Variants in SMARCC1 observed in about 807,000 individuals in gnomAD.
SMARCC1 encodes the protein SWI/SNF complex subunit SMARCC1.
A neutral mutation model predicts 147.4 loss-of-function variants in SMARCC1; 43 were observed. The observed-to-expected ratio is 0.29, with a 90% CI of 0.23 to 0.38. SMARCC1 has a LOEUF of 0.38. Among genes scored for constraint, SMARCC1 ranks in the 10% least tolerant of loss-of-function variants. The pLI is 1.00. For missense variants in SMARCC1, 1,119 were observed against 1,381.1 expected, an observed-to-expected ratio of 0.81 and a Z score of 3.01; for synonymous variants, 495 against 484.4, an observed-to-expected ratio of 1.02 and a Z score of -0.29.
At chr3:47,602,373 A>G (rs532023374) in intron 26 of SMARCC1, among the ~76,000 whole-genome samples, 1 of 152,288 alleles carries the variant, frequency 6.6e-6, no homozygotes, top group African/African-American at 2.4e-5. Flanking sequence ...TCTTGGCTAA[A>G]TGCAGCCTTG....
intron 21 of SMARCC1, among the ~76,000 whole-genome samples, chr3:47,639,715 AAACC>A (rs58771135): frequency 0.023 from 3,462 of 148,364 alleles, 98 homozygotes; most frequent in African/African-American, 0.071. Flanking sequence ...CTACATCTCA[AAACC>A]AACCAACCAA....
At position 47,631,963 on chromosome 3, in the gene SMARCC1, T is replaced by C. The variant is rs902061769; in HGVS notation, c.2646+3227A>G. 3.9e-5 allele frequency among the ~76,000 whole-genome samples: 6 copies of C among 152,336 alleles called. No individual in the cohort carries two copies. In the South Asian group the frequency reaches 1.0e-3, roughly 26 times the overall value. ...TTCACATGTGCCAAGTCGTGCAGCA[T>C]GAGCATTTGTACACTTTCATAACTC... On this transcript the variant is annotated intron_variant, in intron 24 of 27. Coordinates refer to ENST00000254480, the MANE Select transcript of SMARCC1 (RefSeq NM_003074.4).
intron 2 of SMARCC1, among the ~76,000 whole-genome samples, chr3:47,763,704 C>T (rs1253079455): frequency 6.6e-6 from 1 of 151,574 alleles, no homozygotes; most frequent in Non-Finnish European, 1.5e-5. Context: ...ACTATATTTT[C>T]ACAACACAAA....
chr3:47,768,590 CAATT>C (rs1260356080), intron 2 of SMARCC1, among the ~76,000 whole-genome samples: 1 of 151,946 alleles, frequency 6.6e-6, no homozygotes, highest in Non-Finnish European at 1.5e-5. Flanking sequence ...AATTATGTTA[CAATT>C]AATAAAGTGC....
At chr3:47,741,718 T>G (rs2106835951) in intron 3 of SMARCC1, among the ~76,000 whole-genome samples, 1 of 152,222 alleles carries the variant, frequency 6.6e-6, no homozygotes, top group South Asian at 2.1e-4. Context: ...TTCAGAGCTC[T>G]AATTGCCTCC....
intron 21 of SMARCC1, among the ~76,000 whole-genome samples, chr3:47,648,708 C>G (rs2033149953): frequency 6.6e-6 from 1 of 152,018 alleles, no homozygotes; most frequent in South Asian, 2.1e-4. Flanking sequence ...TGTAATAATT[C>G]TTATAGCCCT....
At chr3:47,672,408 G>GT (rs1030340111) in intron 18 of SMARCC1, among the ~76,000 whole-genome samples, 10 of 151,850 alleles carry the variant, frequency 6.6e-5, no homozygotes, top group African/African-American at 2.4e-4. Flanking sequence ...GGGTTTCACC[G>GT]TGTTAGCCAG....
At chr3:47,670,863 G>A (rs370769214) in intron 18 of SMARCC1, 146 bp from the exon 19 acceptor site, 2 of 636,510 alleles carry the variant, frequency 3.1e-6, no homozygotes, top group African/African-American at 1.8e-5. Context: ...ACTTTAAGGA[G>A]CCTAAACTTC....
chr3:47,662,953 G>A (rs1329095401), intron 19 of SMARCC1, among the ~76,000 whole-genome samples: 1 of 150,924 alleles, frequency 6.6e-6, no homozygotes, highest in Non-Finnish European at 1.5e-5. Context: ...GTGCGTGCCT[G>A]TAATCCCAGC....
chr3:47,613,117 G>A (rs1177079627), intron 25 of SMARCC1, among the ~76,000 whole-genome samples: 1 of 152,192 alleles, frequency 6.6e-6, no homozygotes, highest in Non-Finnish European at 1.5e-5. Flanking sequence ...CAATGACCCA[G>A]TGATTAGGCA....
At chr3:47,612,513 TG>T (rs2032577656) in intron 25 of SMARCC1, among the ~76,000 whole-genome samples, 1 of 152,202 alleles carries the variant, frequency 6.6e-6, no homozygotes, top group South Asian at 2.1e-4. Flanking sequence ...AGCTGAATTT[TG>T]GGTTCTGCTT....
chr3:47,603,239 T>C (rs1202749401), intron 26 of SMARCC1: 2 of 152,016 alleles, frequency 1.3e-5, no homozygotes, highest in Non-Finnish European at 2.9e-5. Flanking sequence ...CTGGCCAACA[T>C]GGTGAAACCC....
intron 6 of SMARCC1, among the ~76,000 whole-genome samples, chr3:47,725,224 C>T (rs965431643): frequency 2.0e-5 from 3 of 151,788 alleles, no homozygotes; most frequent in Admixed American, 6.6e-5. Context: ...CATAAGAGAT[C>T]GTATGTCATC....
intron 2 of SMARCC1, among the ~76,000 whole-genome samples, chr3:47,757,477 T>C (rs898543361): frequency 3.3e-5 from 5 of 151,484 alleles, no homozygotes; most frequent in East Asian, 1.9e-4. Flanking sequence ...GGTGAGAAAG[T>C]AGAAAATCAG....
chr3:47,642,592 A>AAAC (rs34383211), intron 21 of SMARCC1, among the ~76,000 whole-genome samples: 90,561 of 150,360 alleles, frequency 0.6, 28,370 homozygotes, highest in East Asian at 0.71. Context: ...TTTGTCCCAA[A>AAAC]AACAACAACA....
chr3:47,673,176 G>C (rs1395588104), intron 18 of SMARCC1, among the ~76,000 whole-genome samples: 1 of 151,776 alleles, frequency 6.6e-6, no homozygotes, highest in African/African-American at 2.4e-5. Context: ...TGGAGCTCAG[G>C]AGTTCAAGAC....
intron 9 of SMARCC1, among the ~76,000 whole-genome samples, chr3:47,710,387 C>A (rs2034069691): frequency 6.6e-6 from 1 of 152,074 alleles, no homozygotes; most frequent in Non-Finnish European, 1.5e-5. Flanking sequence ...TTAAATTCTG[C>A]TGTGATATTA....
intron 25 of SMARCC1, among the ~76,000 whole-genome samples, chr3:47,619,074 A>T (rs868255): frequency 0.59 from 90,445 of 152,016 alleles, 28,183 homozygotes; most frequent in East Asian, 0.72. Flanking sequence ...AAATAAACAC[A>T]AAGACTCATC....
At chr3:47,773,185 C>T (rs1342059477) in intron 1 of SMARCC1, among the ~76,000 whole-genome samples, 1 of 151,604 alleles carries the variant, frequency 6.6e-6, no homozygotes, top group Non-Finnish European at 1.5e-5. Context: ...TGGAGTGCAG[C>T]GGTGCAATCT....
Sources: allele counts gnomAD v4.1 joint callset (sites outside exome capture counted in the v4.1 genomes callset), GRCh38; gene constraint gnomAD v4.1.1; transcripts MANE v1.5; gene names NCBI Gene and HGNC (gene_info 2026-07-23, HGNC 2026-07-21).